The following NUDCD1 variants were observed in gnomAD, a reference collection of about 807,000 sequenced individuals.
The protein encoded by NUDCD1 is NudC domain containing 1, also known as nudC domain-containing protein 1.
A neutral mutation model predicts 67.8 loss-of-function variants in NUDCD1; 60 were observed. The observed-to-expected ratio is 0.88, with a 90% CI of 0.72 to 1.10. NUDCD1 has a LOEUF of 1.10. NUDCD1 is among the 50% of genes least tolerant of loss of function. NUDCD1 has a pLI of 0.00. For missense variants in NUDCD1, 643 were observed against 695.0 expected (o/e 0.93, Z 0.84); for synonymous variants, 244 against 230.8 (o/e 1.06, Z -0.52).
chr8:109,329,350 T>C (rs2130155024), intron 1 of NUDCD1, among the ~76,000 whole-genome samples: 1 of 152,228 alleles, frequency 6.6e-6, no homozygotes, highest in South Asian at 2.1e-4. Flanking sequence ...AAAAACTATA[T>C]GTCCGCAGTT....
intron 5 of NUDCD1, among the ~76,000 whole-genome samples, chr8:109,285,612 T>C (rs923093493): frequency 6.6e-6 from 1 of 151,960 alleles, no homozygotes; most frequent in African/African-American, 2.4e-5. Flanking sequence ...AAATCCAACA[T>C]CCCTTCACTA....
At chr8:109,288,199 T>C (rs573469826) in intron 5 of NUDCD1, among the ~76,000 whole-genome samples, 1 of 152,306 alleles carries the variant, frequency 6.6e-6, no homozygotes, top group East Asian at 1.9e-4. Flanking sequence ...AGATACAGCA[T>C]GAGATGTCAT....
chr8:109,285,006 CAA>C lies in NUDCD1; in HGVS notation c.824-3836_824-3835del, dbSNP rs35853412. Among the ~76,000 whole-genome samples the C allele has an allele frequency of 1.1e-4, 16 of 148,292 alleles. No individual in the cohort carries two copies. The East Asian group carries it at 2.6e-3, about 24-fold the overall frequency. On this transcript the variant is annotated intron_variant, in intron 5 of 9. Coordinates refer to ENST00000239690, the MANE Select transcript of NUDCD1 (RefSeq NM_032869.4). ...CATTACAACCAATTCCACAGAAATA[CAA>C]AAAAAAAACCCAGAGACTATTATGA...
At chr8:109,272,002 G>C (rs139203735) in intron 7 of NUDCD1, among the ~76,000 whole-genome samples, 281 of 151,420 alleles carry the variant, frequency 1.9e-3, no homozygotes, top group African/African-American at 6.3e-3. Flanking sequence ...AAAAAGCTGA[G>C]AGAATTTATC....
chr8:109,276,960 G>A (rs182688689), intron 6 of NUDCD1, among the ~76,000 whole-genome samples: 1 of 152,178 alleles, frequency 6.6e-6, no homozygotes, highest in East Asian at 1.9e-4. Context: ...ACCGTGCCCA[G>A]CCCCCAGACT....
At chr8:109,293,567 C>T in intron 3 of NUDCD1, 43 bp from the exon 4 acceptor site, 1 of 1,094,516 alleles carries the variant, frequency 9.1e-7, no homozygotes, top group Non-Finnish European at 1.3e-6. Context: ...TACATAATTA[C>T]ATGAACACAG....
chr8:109,284,594 G>T (rs537606949), intron 5 of NUDCD1, among the ~76,000 whole-genome samples: 1 of 151,854 alleles, frequency 6.6e-6, no homozygotes, highest in East Asian at 1.9e-4. Context: ...GATCACAGTG[G>T]AATAAAAATA....
chr8:109,303,662 T>C lies in NUDCD1; in HGVS notation c.274-7093A>G, dbSNP rs368653082. ...CCTTTTTCCCCAGTTAAAAGCCTCCTTCACATCCTCCCCTTGTATCTCCCC... is the reference window on the plus strand; with the variant it reads ...CCTTTTTCCCCAGTTAAAAGCCTCCCTCACATCCTCCCCTTGTATCTCCCC... On this transcript the variant is annotated intron_variant, in intron 2 of 9. Transcript: ENST00000239690. 2.5e-3 allele frequency among the ~76,000 whole-genome samples: 374 copies of C among 152,136 alleles called. 6 individuals carry two copies. In the South Asian group the frequency reaches 0.031, roughly 13 times the overall value.
intron 8 of NUDCD1, among the ~76,000 whole-genome samples, chr8:109,247,007 T>C (rs887412173): frequency 1.3e-5 from 2 of 152,164 alleles, no homozygotes; most frequent in Non-Finnish European, 2.9e-5. Flanking sequence ...ATAGGGCTTT[T>C]TCGTAGAGCC....
At chr8:109,325,465 CCA>C (rs1407128480) in intron 1 of NUDCD1, among the ~76,000 whole-genome samples, 1 of 151,994 alleles carries the variant, frequency 6.6e-6, no homozygotes, top group Non-Finnish European at 1.5e-5. Flanking sequence ...ACATAAAATC[CCA>C]GTTTATCAAT....
chr8:109,289,009 G>A (rs544755316), intron 5 of NUDCD1, among the ~76,000 whole-genome samples: 26 of 146,922 alleles, frequency 1.8e-4, no homozygotes, highest in Non-Finnish European at 3.3e-4. Context: ...AGACAGTCTC[G>A]CTGTTGCCCA....
At chr8:109,316,045 T>C (rs1273335778) in intron 2 of NUDCD1, 2 of 152,216 alleles carry the variant, frequency 1.3e-5, no homozygotes, top group Non-Finnish European at 2.9e-5. Context: ...GACACTCTTT[T>C]AGTAACAGAA....
intron 8 of NUDCD1, among the ~76,000 whole-genome samples, chr8:109,255,958 C>G (rs975684200): frequency 6.6e-6 from 1 of 152,092 alleles, no homozygotes; most frequent in East Asian, 1.9e-4. Flanking sequence ...ACCTGTTATC[C>G]CAGCAATTGG....
intron 8 of NUDCD1, among the ~76,000 whole-genome samples, chr8:109,268,823 A>C (rs773386318): frequency 5.5e-4 from 84 of 152,322 alleles, no homozygotes; most frequent in Admixed American, 3.7e-3. Flanking sequence ...AGGTAATAAA[A>C]AGAAGAGCAG....
chr8:109,307,595 C>T (rs1396744998), intron 2 of NUDCD1, among the ~76,000 whole-genome samples: 4 of 152,104 alleles, frequency 2.6e-5, no homozygotes, highest in African/African-American at 9.7e-5. Context: ...AACATATATA[C>T]GGGCAACAAA....
intron 7 of NUDCD1, among the ~76,000 whole-genome samples, chr8:109,273,692 A>C (rs1050329690): frequency 6.6e-6 from 1 of 152,082 alleles, no homozygotes; most frequent in African/African-American, 2.4e-5. Context: ...CCTTCCAAAA[A>C]AGCAAACTCA....
chr8:109,329,834 A>C (rs750375346), intron 1 of NUDCD1: 1 of 1,551,060 alleles, frequency 6.4e-7, no homozygotes, highest in Non-Finnish European at 8.7e-7. Context: ...GAGATAAAGC[A>C]TTGAAAACGA....
At chr8:109,318,467 A>G (rs1041001354) in intron 2 of NUDCD1, among the ~76,000 whole-genome samples, 2 of 152,216 alleles carry the variant, frequency 1.3e-5, no homozygotes, top group African/African-American at 4.8e-5. Flanking sequence ...AATTTATTTG[A>G]TCAGAGAGAT....
At chr8:109,321,784 G>A (rs1815545289) in intron 2 of NUDCD1, among the ~76,000 whole-genome samples, 1 of 151,874 alleles carries the variant, frequency 6.6e-6, no homozygotes, top group Admixed American at 6.6e-5. Flanking sequence ...AAGCATATAA[G>A]AAGAAAAATA....
Sources: gnomAD v4.1 joint callset for allele counts (sites outside exome capture counted in the v4.1 genomes callset) on GRCh38, gnomAD v4.1.1 for gene constraint, MANE v1.5 for transcripts, NCBI Gene and HGNC (gene_info 2026-07-23, HGNC 2026-07-21) for gene names.